RORA: variants seen among roughly 807,000 people sequenced by gnomAD.
RORA encodes nuclear receptor ROR-alpha.
In RORA, 7 loss-of-function variants were observed where a neutral mutation model predicts 69.5. That is an observed-to-expected ratio of 0.10 (90% CI 0.06 to 0.19). RORA has a LOEUF of 0.19. RORA is among the 10% of genes least tolerant of loss of function. RORA has a pLI of 1.00. For synonymous variants in RORA, 261 were observed against 240.8 expected, an observed-to-expected ratio of 1.08 and a Z score of -0.78; for missense variants, 457 against 663.0, an observed-to-expected ratio of 0.69 and a Z score of 3.41.
intron 1 of RORA, among the ~76,000 whole-genome samples, chr15:60,694,308 T>C (rs1401788384): frequency 6.6e-6 from 1 of 152,160 alleles, no homozygotes; most frequent in East Asian, 1.9e-4. Flanking sequence ...ACTGGCCCAG[T>C]GATTTAAATG....
At chr15:60,515,394 T>C (rs1204499835) in intron 3 of RORA, among the ~76,000 whole-genome samples, 1 of 148,752 alleles carries the variant, frequency 6.7e-6, no homozygotes, top group Admixed American at 6.8e-5. Context: ...AACCATGGCC[T>C]TTAAAGATGG....
intron 1 of RORA, among the ~76,000 whole-genome samples, chr15:60,776,753 T>A (rs2072173234): frequency 6.6e-6 from 1 of 152,190 alleles, no homozygotes. Flanking sequence ...CCAAGGACTG[T>A]CTAGACATGG....
intron 2 of RORA, among the ~76,000 whole-genome samples, chr15:60,579,801 C>T (rs543504190): frequency 5.9e-5 from 9 of 152,108 alleles, no homozygotes; most frequent in African/African-American, 2.2e-4. Context: ...AATTTTCAAC[C>T]CTTGATGTCT....
chr15:61,084,495 G>T (rs1206515565), intron 1 of RORA, among the ~76,000 whole-genome samples: 1 of 152,182 alleles, frequency 6.6e-6, no homozygotes, highest in Non-Finnish European at 1.5e-5. Context: ...CTAAATATAG[G>T]AAATAGTTAA....
intron 1 of RORA, chr15:61,214,291 G>A (rs1359555561): frequency 1.3e-5 from 2 of 152,164 alleles, no homozygotes; most frequent in Non-Finnish European, 2.9e-5. Flanking sequence ...CTTTTTCATT[G>A]AGGTTTGTAT....
At chr15:61,118,416 C>A (rs1363351158) in intron 1 of RORA, among the ~76,000 whole-genome samples, 4 of 152,090 alleles carry the variant, frequency 2.6e-5, no homozygotes, top group African/African-American at 9.7e-5. Flanking sequence ...TGAGTGAGTT[C>A]TTTTGCATCT....
intron 1 of RORA, among the ~76,000 whole-genome samples, chr15:61,110,751 A>C (rs1338578628): frequency 2.0e-5 from 3 of 152,164 alleles, no homozygotes; most frequent in Non-Finnish European, 2.9e-5. Context: ...TCCTCTGGTA[A>C]ATTTCTACTC....
intron 1 of RORA, among the ~76,000 whole-genome samples, chr15:60,827,938 G>C (rs141631594): frequency 1.3e-5 from 2 of 152,164 alleles, no homozygotes; most frequent in Non-Finnish European, 2.9e-5. Flanking sequence ...GTAACCCCTG[G>C]TATAGTGGTT....
chr15:61,160,430 A>T (rs1247900614), intron 1 of RORA, among the ~76,000 whole-genome samples: 3 of 152,194 alleles, frequency 2.0e-5, no homozygotes, highest in Non-Finnish European at 4.4e-5. Flanking sequence ...CACATTTCAC[A>T]CTATAGCTAT....
At chr15:61,122,647 AT>A (rs563480802) in intron 1 of RORA, among the ~76,000 whole-genome samples, 16 of 151,730 alleles carry the variant, frequency 1.1e-4, no homozygotes, top group Middle Eastern at 3.4e-3. Context: ...AGAATCAGTA[AT>A]TTTTTTTTCC....
At chr15:60,946,440 G>A (rs1056380365) in intron 1 of RORA, among the ~76,000 whole-genome samples, 6 of 152,214 alleles carry the variant, frequency 3.9e-5, no homozygotes, top group Admixed American at 1.3e-4. Context: ...ACTGGTTTTC[G>A]TATTTTTTTG....
chr15:61,102,247 C>G (rs1170144248), intron 1 of RORA, among the ~76,000 whole-genome samples: 1 of 152,118 alleles, frequency 6.6e-6, no homozygotes, highest in Non-Finnish European at 1.5e-5. Context: ...ATATGAGAAG[C>G]CCCCCCTCAA....
intron 1 of RORA, among the ~76,000 whole-genome samples, chr15:61,152,167 T>C (rs2079403589): frequency 6.6e-6 from 1 of 152,136 alleles, no homozygotes; most frequent in South Asian, 2.1e-4. Context: ...GGAAAGCAAA[T>C]GTTATAAACA....
In RORA at chr15:60,895,335, GA is replaced by G. The variant is rs575041822; in HGVS notation, c.167-216650del. On this transcript the variant is annotated intron_variant, in intron 1 of 10. Transcript: ENST00000335670. The stretch of plus-strand genomic sequence containing the variant: ...TCATTAACTGGCATATATTAAAAAA[GA>G]AAAAAAATTAGAAAAAGAAGGAGCT... 2.4e-3 allele frequency among the ~76,000 whole-genome samples: 364 copies of G among 151,884 alleles called. 4 individuals carry two copies. Among genetic ancestry groups the G allele is most frequent in the African/African-American group, 8.2e-3 (339 of 41,406 alleles).
At chr15:61,134,182 G>C (rs1173525925) in intron 1 of RORA, among the ~76,000 whole-genome samples, 1 of 152,164 alleles carries the variant, frequency 6.6e-6, no homozygotes, top group Non-Finnish European at 1.5e-5. Context: ...CTCCCTCAGA[G>C]TCTAAGAATT....
intron 1 of RORA, among the ~76,000 whole-genome samples, chr15:60,900,780 G>C (rs946950106): frequency 2.6e-5 from 4 of 152,118 alleles, no homozygotes; most frequent in Admixed American, 2.6e-4. Flanking sequence ...GCTGAGGCAG[G>C]AGAATTGCTT....
chr15:61,204,320 G>A (rs1359002597), intron 1 of RORA, among the ~76,000 whole-genome samples: 1 of 152,204 alleles, frequency 6.6e-6, no homozygotes, highest in East Asian at 1.9e-4. Flanking sequence ...CTGGCACTTA[G>A]GAGGTGCTGC....
At position 60,985,327 on chromosome 15, in the gene RORA, C is replaced by T. The variant is rs377402189; in HGVS notation, c.166+243726G>A. On this transcript the variant is annotated intron_variant, in intron 1 of 10. Coordinates refer to ENST00000335670, the MANE Select transcript of RORA (RefSeq NM_134261.3). ...TAGTATCTTTGAGTGAAGGAGAAAG[C>T]GTAAATTAAATGTCGTCTCATTTTT... Among the ~76,000 whole-genome samples, 38 of 152,136 alleles carry T rather than the reference C, an allele frequency of 2.5e-4. 3 individuals are homozygous for T. Among genetic ancestry groups the T allele is most frequent in the Admixed American group, 1.4e-3 (22 of 15,264 alleles).
intron 1 of RORA, among the ~76,000 whole-genome samples, chr15:60,985,138 A>G (rs1894161494): frequency 6.6e-6 from 1 of 152,232 alleles, no homozygotes; most frequent in Non-Finnish European, 1.5e-5. Context: ...ATTTGGAAAT[A>G]AACTGTGGAA....
Sources: gnomAD v4.1 joint callset for allele counts (sites outside exome capture counted in the v4.1 genomes callset) on GRCh38, gnomAD v4.1.1 for gene constraint, MANE v1.5 for transcripts, NCBI Gene and HGNC (gene_info 2026-07-23, HGNC 2026-07-21) for gene names.